The following MRPS14 variants were observed in gnomAD, a reference collection of about 807,000 sequenced individuals.
MRPS14 encodes the protein small ribosomal subunit protein uS14m.
In MRPS14, 14 loss-of-function variants were observed where a neutral mutation model predicts 16.4. The observed-to-expected ratio is 0.85, with a 90% CI of 0.56 to 1.33. MRPS14 has a LOEUF of 1.33. Among genes scored for constraint, MRPS14 ranks in the 40% most tolerant of loss-of-function variants. The probability of loss-of-function intolerance (pLI) is 0.00; values close to 1 mark genes in which losing one functional copy is unlikely to be tolerated. For missense variants in MRPS14, 162 were observed against 176.8 expected (o/e 0.92, Z 0.48); for synonymous variants, 54 against 61.9 (o/e 0.87, Z 0.60).
chr1:175,020,816 T>C (rs1290291812), intron 1 of MRPS14, among the ~76,000 whole-genome samples: 1 of 152,234 alleles, frequency 6.6e-6, no homozygotes, highest in Non-Finnish European at 1.5e-5. Context: ...GTGCTTTGTC[T>C]GCATTTCTAC....
chr1:175,020,392 A>T (rs1672959583), intron 1 of MRPS14, among the ~76,000 whole-genome samples: 2 of 152,216 alleles, frequency 1.3e-5, no homozygotes, highest in South Asian at 4.1e-4. Flanking sequence ...TCTTCTTTGA[A>T]TTCTTTTTCA....
At chr1:175,015,694 T>G (rs1418465405) in intron 2 of MRPS14, among the ~76,000 whole-genome samples, 2 of 152,182 alleles carry the variant, frequency 1.3e-5, no homozygotes, top group Non-Finnish European at 2.9e-5. Context: ...AGTAGAGATT[T>G]CTTCTTATGT....
At position 175,014,202 on chromosome 1, in the gene MRPS14, A is replaced by G. The variant is rs1341554652; in HGVS notation, c.*467T>C. ...GATAATCCAGAACAGCAGCCTTGCT[A>G]TCCAATCTGTTTATCTAACAATAAT... On this transcript the variant is annotated 3_prime_UTR_variant, in exon 3 of 3. Coordinates refer to ENST00000476371, the MANE Select transcript of MRPS14 (RefSeq NM_022100.3). 3 of 189,770 alleles carry G rather than the reference A, an allele frequency of 1.6e-5. No homozygotes were observed. The highest frequency in any genetic ancestry group is 7.0e-5 in the African/African-American group (3 of 43,098). The allele number at this position is 189,770 out of a possible 1,614,324, so 11.8% of individuals were successfully genotyped here.
intron 2 of MRPS14, among the ~76,000 whole-genome samples, chr1:175,017,786 A>G (rs1413164492): frequency 2.0e-5 from 3 of 152,314 alleles, no homozygotes; most frequent in Non-Finnish European, 4.4e-5. Context: ...TACCAGGCAC[A>G]CAGACTTCAA....
At chr1:175,017,298 G>A (rs1418075107) in intron 2 of MRPS14, among the ~76,000 whole-genome samples, 4 of 151,946 alleles carry the variant, frequency 2.6e-5, no homozygotes, top group African/African-American at 7.2e-5. Flanking sequence ...TGCCTGCCTC[G>A]GCCTCCCAAA....
In MRPS14 at chr1:175,014,255, A is replaced by G. The variant is rs116067602; in HGVS notation, c.*414T>C. 4.4e-3 allele frequency: 1,200 copies of G among 275,418 alleles called. 9 individuals are homozygous for G. The highest frequency in any genetic ancestry group is 0.025 in the African/African-American group (1,133 of 45,902). The allele number at this position is 275,418 out of a possible 1,614,324, so 17.1% of individuals were successfully genotyped here. A position where few individuals can be genotyped will look rare whatever the true frequency, so the allele number is the denominator to read the frequency against. ...TTAAGGGGAGCTCTGCAGGTCAGCA[A>G]AGCTAGTCCAGGATTACAAACTGCC... is the stretch of plus-strand genomic sequence containing the variant. On this transcript the variant is annotated 3_prime_UTR_variant, in exon 3 of 3. Transcript: ENST00000476371.
chr1:175,017,181 A>T (rs1483464176), intron 2 of MRPS14, among the ~76,000 whole-genome samples: 1 of 151,866 alleles, frequency 6.6e-6, no homozygotes, highest in African/African-American at 2.4e-5. Flanking sequence ...CAGCCTCCCG[A>T]GTAGCTGGGA....
chr1:175,017,708 A>C (rs1351389743), intron 2 of MRPS14, among the ~76,000 whole-genome samples: 1 of 152,102 alleles, frequency 6.6e-6, no homozygotes, highest in Non-Finnish European at 1.5e-5. Context: ...CAGCACACAG[A>C]GGGTGGGCAA....
intron 2 of MRPS14, among the ~76,000 whole-genome samples, chr1:175,018,061 T>C (rs1438029089): frequency 2.6e-5 from 4 of 151,370 alleles, no homozygotes; most frequent in Admixed American, 6.6e-5. Flanking sequence ...GAGGCGGAGG[T>C]TGTGGTGAGC....
At chr1:175,017,049 C>T (rs1250369800) in intron 2 of MRPS14, among the ~76,000 whole-genome samples, 1 of 147,128 alleles carries the variant, frequency 6.8e-6, no homozygotes, top group Admixed American at 6.9e-5. Flanking sequence ...TCTTGGGGGC[C>T]CCCTGCCCTT....
rs774948027 is a variant in MRPS14, at chr1:175,023,366, G to A, written c.43C>T (p.Gln15Ter). The A allele has an allele frequency of 6.2e-7, 1 of 1,613,998 alleles. No individual in the cohort carries two copies. The highest frequency in any genetic ancestry group is 8.5e-7 in the Non-Finnish European group (1 of 1,180,028). ...GTGGATAAAAGTAGAGGCCTGACCT[G>A]CTTGAACGTCCGCAGCAGCGAGCCC... ...MLGSLLRTFKQMVPSSASGQV... is the reference protein window; with the variant it reads ...MLGSLLRTFK Residue 15 changes from glutamine to a stop codon, truncating the protein, a stop_gained and splice_region_variant, in exon 1 of 3, where the codon CAG (glutamine) becomes TAG (stop). Transcript: ENST00000476371. LOFTEE classifies it high-confidence loss of function.
In MRPS14 at chr1:175,019,952, T is replaced by A. The variant is rs1672949062; in HGVS notation, c.46-1376A>T. On this transcript the variant is annotated intron_variant, in intron 1 of 2. Coordinates refer to ENST00000476371, the MANE Select transcript of MRPS14 (RefSeq NM_022100.3). The stretch of plus-strand genomic sequence containing the variant: ...GAAAGCCACCATTTTTTCAATCTAT[T>A]AACAAAAGATAAACTGAACATCTTC... Among the ~76,000 whole-genome samples the A allele has an allele frequency of 2.0e-5, 3 of 152,172 alleles. No individual in the cohort carries two copies. The South Asian group carries it at 6.2e-4, about 31-fold the overall frequency.
chr1:175,021,290 G>T (rs1672974284), intron 1 of MRPS14, among the ~76,000 whole-genome samples: 1 of 151,926 alleles, frequency 6.6e-6, no homozygotes, highest in African/African-American at 2.4e-5. Context: ...CTGGCTTATT[G>T]TCACTCTCTC....
chr1:175,014,620 G>C lies in MRPS14; in HGVS notation c.*49C>G, dbSNP rs368671197. 6.5e-7 allele frequency: 1 copy of C among 1,547,294 alleles called. No individual in the cohort carries two copies. Among genetic ancestry groups the C allele is most frequent in the Non-Finnish European group, 8.7e-7 (1 of 1,147,670 alleles). ...TATTAAAAAAAATCTTTGCTTGCTG[G>C]AACTGCAAGCTTGGCTTCCCTGCAA... On this transcript the variant is annotated 3_prime_UTR_variant, in exon 3 of 3. Transcript: ENST00000476371.
intron 2 of MRPS14, among the ~76,000 whole-genome samples, chr1:175,015,327 G>A (rs1672862291): frequency 6.6e-6 from 1 of 152,136 alleles, no homozygotes; most frequent in African/African-American, 2.4e-5. Context: ...TACGATTTGG[G>A]CGAATATAAA....
At chr1:175,021,593 A>G (rs1672978369) in intron 1 of MRPS14, among the ~76,000 whole-genome samples, 1 of 151,688 alleles carries the variant, frequency 6.6e-6, no homozygotes, top group African/African-American at 2.4e-5. Flanking sequence ...CACTTTTTTC[A>G]CTCAGCTTTT....
rs879661964 is a variant in MRPS14 at position 175,013,589 on chromosome 1, C to T, written c.*1080G>A. 1 of 152,218 alleles carries T rather than the reference C, an allele frequency of 6.6e-6. No homozygotes were observed. Among genetic ancestry groups the T allele is most frequent in the Non-Finnish European group, 1.5e-5 (1 of 68,068 alleles). The allele number at this position is 152,218 out of a possible 1,614,324, so 9.4% of individuals were successfully genotyped here. ...TGGTTGTCTTGCCTGTAGCTTTTTCCTCTCATGGCCATCTGCCACACAGCT... is the reference window on the plus strand; with the variant it reads ...TGGTTGTCTTGCCTGTAGCTTTTTCTTCTCATGGCCATCTGCCACACAGCT... On this transcript the variant is annotated 3_prime_UTR_variant, in exon 3 of 3. Coordinates refer to ENST00000476371, the MANE Select transcript of MRPS14 (RefSeq NM_022100.3).
intron 1 of MRPS14, 68 bp downstream of exon 1, chr1:175,023,296 T>C: frequency 6.3e-7 from 1 of 1,590,996 alleles, no homozygotes; most frequent in East Asian, 2.3e-5. Flanking sequence ...GGCAGAGCCG[T>C]GGGGGACCCG....
chr1:175,023,176 T>A, intron 1 of MRPS14, 188 bp downstream of exon 1: 1 of 1,443,142 alleles, frequency 6.9e-7, no homozygotes, highest in Non-Finnish European at 9.2e-7. Flanking sequence ...GTCATATGCT[T>A]ACGAAAACCA....
Sources: allele counts gnomAD v4.1 joint callset (sites outside exome capture counted in the v4.1 genomes callset), GRCh38; gene constraint gnomAD v4.1.1; transcripts MANE v1.5; gene names NCBI Gene and HGNC (gene_info 2026-07-23, HGNC 2026-07-21).